ZNF609: variants seen among roughly 807,000 people sequenced by gnomAD.
ZNF609 encodes the protein zinc finger protein 609.
In ZNF609, 11 loss-of-function variants were observed where a neutral mutation model predicts 109.5. That is an observed-to-expected ratio of 0.10 (90% CI 0.06 to 0.17). The LOEUF is 0.17. Ranked by LOEUF, ZNF609 falls within the 10% of genes least tolerant of loss-of-function variation. The pLI is 1.00. For synonymous variants in ZNF609, 646 were observed against 662.0 expected, an observed-to-expected ratio of 0.98 and a Z score of 0.37; for missense variants, 1,559 against 1,772.4, an observed-to-expected ratio of 0.88 and a Z score of 2.16.
At chr15:64,571,318 G>A (rs1286856701) in intron 2 of ZNF609, among the ~76,000 whole-genome samples, 1 of 152,020 alleles carries the variant, frequency 6.6e-6, no homozygotes, top group Non-Finnish European at 1.5e-5. Context: ...AAGAAAGAGA[G>A]CAAACATTTA....
chr15:64,678,594 A>G lies in ZNF609; in HGVS notation c.3769+112A>G, dbSNP rs990889464. The G allele has an allele frequency of 5.5e-5, 79 of 1,446,636 alleles. 1 individual carries two copies. In the African/African-American group the frequency reaches 1.1e-3, roughly 20 times the overall value. 89.6% of individuals were successfully genotyped at this position (1,446,636 alleles called of 1,614,324 possible). A position where few individuals can be genotyped will look rare whatever the true frequency, so the allele number is the denominator to read the frequency against. ...CCAAGGCATATTGAGGCTCGCTTAG[A>G]TGACGGACCTTTTTTCACTGAGTCA... On this transcript the variant is annotated intron_variant, in intron 6 of 9. Transcript: ENST00000326648.
At chr15:64,666,872 A>G (rs1432003101) in intron 3 of ZNF609, among the ~76,000 whole-genome samples, 1 of 151,510 alleles carries the variant, frequency 6.6e-6, no homozygotes, top group Non-Finnish European at 1.5e-5. Context: ...TCATGCCTGT[A>G]ATCCCAGCAC....
At chr15:64,474,799 G>C (rs72741343) in intron 1 of ZNF609, among the ~76,000 whole-genome samples, 1 of 152,050 alleles carries the variant, frequency 6.6e-6, no homozygotes, top group South Asian at 2.1e-4. Flanking sequence ...TAAAGCCAGC[G>C]TAGACCTTTA....
intron 3 of ZNF609, among the ~76,000 whole-genome samples, chr15:64,658,930 A>G (rs1896533491): frequency 6.6e-6 from 1 of 152,198 alleles, no homozygotes; most frequent in South Asian, 2.1e-4. Flanking sequence ...TTACATGGTA[A>G]TATAAATAGT....
At chr15:64,605,361 A>C (rs1219390106) in intron 2 of ZNF609, among the ~76,000 whole-genome samples, 1 of 152,216 alleles carries the variant, frequency 6.6e-6, no homozygotes, top group African/African-American at 2.4e-5. Flanking sequence ...TGCTAGAAGA[A>C]GGGAGGGAAA....
chr15:64,491,472 A>G (rs1893411160), intron 1 of ZNF609, among the ~76,000 whole-genome samples: 2 of 152,188 alleles, frequency 1.3e-5, no homozygotes, highest in African/African-American at 4.8e-5. Flanking sequence ...CACAGTTTAT[A>G]TTCAAAGACA....
At chr15:64,477,688 G>A (rs1467565220) in intron 1 of ZNF609, among the ~76,000 whole-genome samples, 2 of 151,364 alleles carry the variant, frequency 1.3e-5, no homozygotes, top group South Asian at 2.1e-4. Context: ...GAGTGCAGTG[G>A]CGCGATCTCA....
chr15:64,659,046 C>T (rs1356016946), intron 3 of ZNF609, among the ~76,000 whole-genome samples: 1 of 152,132 alleles, frequency 6.6e-6, no homozygotes, highest in Non-Finnish European at 1.5e-5. Flanking sequence ...CTCACCTCAG[C>T]CTCCCAAAGT....
At chr15:64,608,369 A>G (rs536103039) in intron 2 of ZNF609, among the ~76,000 whole-genome samples, 1 of 152,294 alleles carries the variant, frequency 6.6e-6, no homozygotes, top group South Asian at 2.1e-4. Context: ...TTCCCCAATG[A>G]TAATATCTTG....
chr15:64,493,430 C>CT, intron 1 of ZNF609, among the ~76,000 whole-genome samples: 1 of 152,146 alleles, frequency 6.6e-6, no homozygotes, highest in Non-Finnish European at 1.5e-5. Context: ...AGCCTGTGGG[C>CT]TGGGAGTCAA....
chr15:64,627,142 A>C (rs1160757604), intron 3 of ZNF609, among the ~76,000 whole-genome samples: 1 of 151,672 alleles, frequency 6.6e-6, no homozygotes, highest in East Asian at 1.9e-4. Context: ...GTGAGCCGAG[A>C]GTGTGCCACT....
chr15:64,488,704 A>AT (rs1398076653), intron 1 of ZNF609, among the ~76,000 whole-genome samples: 1 of 152,212 alleles, frequency 6.6e-6, no homozygotes, highest in Non-Finnish European at 1.5e-5. Context: ...AAGGTCTAGA[A>AT]TATAAAAAAT....
chr15:64,525,152 G>A (rs1567005204), intron 2 of ZNF609, among the ~76,000 whole-genome samples: 2 of 151,960 alleles, frequency 1.3e-5, no homozygotes, highest in South Asian at 2.1e-4. Flanking sequence ...ATTTTAATTA[G>A]GTTCTTTGTA....
intron 1 of ZNF609, among the ~76,000 whole-genome samples, chr15:64,485,641 A>AT (rs199510275): frequency 0.029 from 4,393 of 149,412 alleles, 78 homozygotes; most frequent in South Asian, 0.058. Context: ...TGTCTACAAA[A>AT]TTTTTTTTTT....
At chr15:64,526,165 CTTT>C (rs1471170891) in intron 2 of ZNF609, among the ~76,000 whole-genome samples, 1 of 143,238 alleles carries the variant, frequency 7.0e-6, no homozygotes, top group African/African-American at 2.6e-5. Context: ...TCTTGCACTT[CTTT>C]TGTTAAATTT....
At chr15:64,552,227 AT>A (rs1894494395) in intron 2 of ZNF609, among the ~76,000 whole-genome samples, 1 of 152,182 alleles carries the variant, frequency 6.6e-6, no homozygotes, top group Admixed American at 6.6e-5. Context: ...CATATCTAAA[AT>A]CTTTGTCTAA....
chr15:64,561,530 TTC>T (rs1486690496), intron 2 of ZNF609, among the ~76,000 whole-genome samples: 1 of 151,626 alleles, frequency 6.6e-6, no homozygotes, highest in Non-Finnish European at 1.5e-5. Context: ...CATAATATTT[TTC>T]TTTCTTTTCT....
At chr15:64,564,226 T>G (rs1355030762) in intron 2 of ZNF609, among the ~76,000 whole-genome samples, 1 of 151,892 alleles carries the variant, frequency 6.6e-6, no homozygotes, top group African/African-American at 2.4e-5. Context: ...AAAAACAGTT[T>G]ATGTAAGGTT....
At chr15:64,633,866 G>A (rs770219173) in intron 3 of ZNF609, among the ~76,000 whole-genome samples, 14 of 151,376 alleles carry the variant, frequency 9.2e-5, no homozygotes, top group Non-Finnish European at 1.6e-4. Context: ...GGGCAACAGA[G>A]TGAGACTCCA....
Sources: allele counts gnomAD v4.1 joint callset (sites outside exome capture counted in the v4.1 genomes callset), GRCh38; gene constraint gnomAD v4.1.1; transcripts MANE v1.5; gene names NCBI Gene and HGNC (gene_info 2026-07-23, HGNC 2026-07-21).